TMC1: variants seen among roughly 807,000 people sequenced by gnomAD.
The protein encoded by TMC1 is transmembrane channel like 1.
Under a neutral mutation model 105.8 loss-of-function variants are expected in TMC1, and 84 were observed. That is an observed-to-expected ratio of 0.79 (90% CI 0.67 to 0.95). The LOEUF is 0.95. Ranked by LOEUF, TMC1 falls within the 40% of genes least tolerant of loss-of-function variation. TMC1 has a pLI of 0.00. For synonymous variants in TMC1, 315 were observed against 311.5 expected, an observed-to-expected ratio of 1.01 and a Z score of -0.12; for missense variants, 817 against 914.1, an observed-to-expected ratio of 0.89 and a Z score of 1.37.
chr9:72,759,277 G>A (rs1175442554), intron 12 of TMC1, among the ~76,000 whole-genome samples: 1 of 152,036 alleles, frequency 6.6e-6, no homozygotes, highest in Non-Finnish European at 1.5e-5. Flanking sequence ...TCAGGAGAGA[G>A]CAAATCCCTT....
At chr9:72,782,269 TG>T (rs2118157667) in intron 13 of TMC1, among the ~76,000 whole-genome samples, 1 of 152,336 alleles carries the variant, frequency 6.6e-6, no homozygotes, top group African/African-American at 2.4e-5. Context: ...CATCCTTTCA[TG>T]TTAAAAACTC....
rs1178240903 is a variant in TMC1, at chr9:72,681,333, A to G, written c.17-7376A>G. Among the ~76,000 whole-genome samples the G allele has an allele frequency of 2.6e-5, 4 of 152,176 alleles. No homozygotes were observed. In the East Asian group the frequency reaches 7.7e-4, roughly 29 times the overall value. ...CAAGACTCACCACTTACTTTTTCATAACCACAGAGGGCTCTAAATGTCTTT... is the reference window on the plus strand; with the variant it reads ...CAAGACTCACCACTTACTTTTTCATGACCACAGAGGGCTCTAAATGTCTTT... On this transcript the variant is annotated intron_variant, in intron 5 of 23. Coordinates refer to ENST00000297784, the MANE Select transcript of TMC1 (RefSeq NM_138691.3).
intron 6 of TMC1, among the ~76,000 whole-genome samples, chr9:72,693,204 A>T (rs1564494818): frequency 1.3e-5 from 2 of 152,088 alleles, no homozygotes; most frequent in African/African-American, 4.8e-5. Flanking sequence ...TAGATCTTAT[A>T]CCTGAAATAT....
intron 20 of TMC1, among the ~76,000 whole-genome samples, chr9:72,822,773 A>T (rs929495889): frequency 1.3e-5 from 2 of 152,208 alleles, no homozygotes; most frequent in Non-Finnish European, 2.9e-5. Flanking sequence ...TAAGCTATTA[A>T]TTGGAAGTTG....
intron 17 of TMC1, among the ~76,000 whole-genome samples, chr9:72,795,039 A>C (rs947966533): frequency 6.6e-6 from 1 of 152,218 alleles, no homozygotes; most frequent in Non-Finnish European, 1.5e-5. Context: ...TAGAACTTGA[A>C]GACTGGCTCT....
chr9:72,712,869 C>T (rs1826858422), intron 8 of TMC1, among the ~76,000 whole-genome samples: 2 of 152,106 alleles, frequency 1.3e-5, no homozygotes, highest in South Asian at 4.1e-4. Context: ...AATGCTTATG[C>T]TTCCAGTTTT....
chr9:72,722,029 A>G (rs558289746), intron 8 of TMC1, among the ~76,000 whole-genome samples: 3 of 152,182 alleles, frequency 2.0e-5, no homozygotes, highest in Non-Finnish European at 2.9e-5. Context: ...ACTGATGATG[A>G]CCATGAGGTT....
intron 1 of TMC1, among the ~76,000 whole-genome samples, chr9:72,564,807 C>T (rs1021752253): frequency 3.3e-5 from 5 of 152,164 alleles, no homozygotes; most frequent in Admixed American, 6.5e-5. Flanking sequence ...GGAAGTTGGC[C>T]TTTGTTCCTG....
chr9:72,665,861 C>T (rs545775410), intron 5 of TMC1, among the ~76,000 whole-genome samples: 1 of 152,208 alleles, frequency 6.6e-6, no homozygotes, highest in African/African-American at 2.4e-5. Flanking sequence ...TGGGAGGGAA[C>T]ATTTTCCCAC....
intron 10 of TMC1, among the ~76,000 whole-genome samples, chr9:72,749,110 A>T (rs1265882478): frequency 6.6e-6 from 1 of 152,242 alleles, no homozygotes; most frequent in Non-Finnish European, 1.5e-5. Flanking sequence ...TTTCTGAAAC[A>T]TCTTAATTCA....
At chr9:72,570,230 AGTGTGTGTGTGTGT>A (rs3223165) in intron 1 of TMC1, among the ~76,000 whole-genome samples, 16,587 of 145,654 alleles carry the variant, frequency 0.11, 1,265 homozygotes, top group African/African-American at 0.2. Context: ...CTCAAAGAGT[AGTGTGTGTGTGTGT>A]GTGTGTGTGT....
intron 8 of TMC1, among the ~76,000 whole-genome samples, chr9:72,725,354 T>C (rs1273706852): frequency 8.6e-5 from 7 of 81,762 alleles, no homozygotes; most frequent in East Asian, 1.1e-3. Context: ...TATATATATA[T>C]ATATATATAT....
chr9:72,647,614 G>T (rs1825736011), intron 4 of TMC1, among the ~76,000 whole-genome samples: 1 of 152,150 alleles, frequency 6.6e-6, no homozygotes, highest in Non-Finnish European at 1.5e-5. Context: ...AAAACCAGGT[G>T]AACATCACCC....
chr9:72,539,798 T>A (rs1400400275), intron 1 of TMC1, among the ~76,000 whole-genome samples: 8 of 152,250 alleles, frequency 5.3e-5, no homozygotes, highest in Non-Finnish European at 4.4e-5. Flanking sequence ...ACCAGTATTC[T>A]GACTTTGTCC....
At chr9:72,535,245 G>A (rs755596757) in intron 1 of TMC1, among the ~76,000 whole-genome samples, 19 of 152,100 alleles carry the variant, frequency 1.2e-4, no homozygotes, top group East Asian at 1.9e-4. Flanking sequence ...AAAGTACCCC[G>A]ATGTCTTCTA....
At position 72,700,549 on chromosome 9, in the gene TMC1, G is replaced by C; in HGVS notation, c.268G>C (p.Glu90Gln). 6.2e-7 allele frequency: 1 copy of C among 1,600,552 alleles called. No homozygotes were observed. Among genetic ancestry groups the C allele is most frequent in the Non-Finnish European group, 8.5e-7 (1 of 1,170,908 alleles). ...EEEEIDEEELERLKAELDEKR... is the reference protein window; with the variant it reads ...EEEEIDEEELQRLKAELDEKR... The stretch of plus-strand genomic sequence containing the variant: ...AGAAGAAATTGATGAAGAGGAATTG[G>C]AAAGATTGAAGGCAGAGTTAGATGA... Residue 90 changes from glutamate (E) to glutamine (Q), a missense_variant, in exon 8 of 24, where the codon GAA (glutamate) becomes CAA (glutamine). By Grantham distance (29) the Glu-to-Gln change is conservative. Coordinates refer to ENST00000297784, the MANE Select transcript of TMC1 (RefSeq NM_138691.3).
intron 13 of TMC1, among the ~76,000 whole-genome samples, chr9:72,777,148 A>G (rs1404206650): frequency 6.6e-6 from 1 of 152,158 alleles, no homozygotes. Flanking sequence ...CTTAGATGTC[A>G]GTGCCTTTGT....
intron 5 of TMC1, 48 bp downstream of exon 5, chr9:72,648,712 A>C: frequency 6.6e-7 from 1 of 1,513,918 alleles, no homozygotes; most frequent in South Asian, 1.1e-5. Context: ...TCTTTCTGAG[A>C]GGTATAAAGG....
intron 5 of TMC1, among the ~76,000 whole-genome samples, chr9:72,668,290 G>A (rs1252057562): frequency 1.3e-5 from 2 of 152,182 alleles, no homozygotes; most frequent in Non-Finnish European, 2.9e-5. Context: ...TTAAAAAGTT[G>A]TCTGGTCATA....
Sources: allele counts gnomAD v4.1 joint callset (sites outside exome capture counted in the v4.1 genomes callset), GRCh38; gene constraint gnomAD v4.1.1; transcripts MANE v1.5; gene names NCBI Gene and HGNC (gene_info 2026-07-23, HGNC 2026-07-21).